Variants in FGF14 observed in about 807,000 individuals in gnomAD.
The protein encoded by FGF14 is fibroblast growth factor homologous factor 4.
Under a neutral mutation model 25.5 loss-of-function variants are expected in FGF14, and 5 were observed. The ratio of observed to expected loss-of-function variants is 0.20; its 90% CI spans 0.10 to 0.41. FGF14 has a LOEUF of 0.41. Ranked by LOEUF, FGF14 falls within the 10% of genes least tolerant of loss-of-function variation. The pLI is 1.00. For synonymous variants in FGF14, 138 were observed against 118.3 expected (o/e 1.17, Z -1.08); for missense variants, 222 against 320.1 (o/e 0.69, Z 2.34).
intron 1 of FGF14, among the ~76,000 whole-genome samples, chr13:102,198,251 C>A (rs1441496400): frequency 1.3e-5 from 2 of 152,188 alleles, no homozygotes; most frequent in Non-Finnish European, 2.9e-5. Context: ...GAATAAAACA[C>A]AATCTCCTGG....
intron 4 of FGF14, 88 bp from the exon 5 acceptor site, chr13:101,723,055 A>G: frequency 6.6e-7 from 1 of 1,505,986 alleles, no homozygotes; most frequent in Non-Finnish European, 9.2e-7. Context: ...AGACCACTGC[A>G]GTTTGCCCAT....
Position 102,141,051 on chromosome 13 carries a change from T to C in FGF14, c.208+260420A>G, listed in dbSNP as rs566716972. ...TTAACTCACCACCAACATTTGACAG[T>C]AAACATGGCTACCAATAGTTTTTCA... On this transcript the variant is annotated intron_variant, in intron 1 of 4. Coordinates refer to the FGF14 transcript ENST00000376131. Among the ~76,000 whole-genome samples the C allele has an allele frequency of 2.3e-3, 352 of 152,206 alleles. 2 individuals carry two copies. Among genetic ancestry groups the C allele is most frequent in the Non-Finnish European group, 2.6e-3 (178 of 68,030 alleles).
intron 1 of FGF14, among the ~76,000 whole-genome samples, chr13:101,894,314 G>T (rs1178760282): frequency 6.6e-6 from 1 of 152,130 alleles, no homozygotes; most frequent in African/African-American, 2.4e-5. Context: ...TGTGATTATT[G>T]TCATGATACT....
intron 1 of FGF14, among the ~76,000 whole-genome samples, chr13:102,199,714 C>G (rs983756516): frequency 1.3e-5 from 2 of 152,184 alleles, no homozygotes; most frequent in African/African-American, 4.8e-5. Context: ...TCTAATCTCA[C>G]GCACTGCAAT....
chr13:102,146,807 A>G (rs1302246402), intron 1 of FGF14, among the ~76,000 whole-genome samples: 1 of 152,206 alleles, frequency 6.6e-6, no homozygotes, highest in African/African-American at 2.4e-5. Context: ...CAGCCCTGGT[A>G]ATCAGACACA....
rs1294262136 is a variant in FGF14, at chr13:102,161,641, A to G, written c.208+239830T>C. ...GAAGAAGAAGAAGAAGAAGAAGAAG[A>G]AGAAGAAGAAGAAGAAGAAGAAGAA... On this transcript the variant is annotated intron_variant, in intron 1 of 4. Coordinates refer to the FGF14 transcript ENST00000376131. 9.1e-3 allele frequency among the ~76,000 whole-genome samples: 134 copies of G among 14,662 alleles called. 7 individuals carry two copies. The highest frequency in any genetic ancestry group is 0.014 in the Non-Finnish European group (106 of 7,668). The allele number at this position is 14,662 out of a possible 152,430, so 9.6% of individuals were successfully genotyped here. A position where few individuals can be genotyped will look rare whatever the true frequency, so the allele number is the denominator to read the frequency against.
intron 3 of FGF14, among the ~76,000 whole-genome samples, chr13:101,772,926 T>C (rs2038869081): frequency 6.6e-6 from 1 of 152,146 alleles, no homozygotes; most frequent in African/African-American, 2.4e-5. Context: ...TAGTTATTTA[T>C]AATCAATTTA....
chr13:102,009,050 C>G (rs904313859), intron 1 of FGF14, among the ~76,000 whole-genome samples: 2 of 151,914 alleles, frequency 1.3e-5, no homozygotes, highest in Non-Finnish European at 2.9e-5. Flanking sequence ...ATATAAAAGC[C>G]ATACATGTCC....
At chr13:101,894,023 C>CT (rs60213924) in intron 1 of FGF14, among the ~76,000 whole-genome samples, 4,798 of 143,888 alleles carry the variant, frequency 0.033, 202 homozygotes, top group African/African-American at 0.1. Context: ...CCTTTCCTGG[C>CT]TTTTTTTTTT....
At chr13:101,726,578 G>T (rs2035451253) in intron 4 of FGF14, 34 bp downstream of exon 4, 1 of 1,577,738 alleles carries the variant, frequency 6.3e-7, no homozygotes, top group African/African-American at 1.3e-5. Context: ...TATGTAATAA[G>T]TCTATGTAAT....
chr13:102,317,878 C>T (rs1324698388), intron 1 of FGF14, among the ~76,000 whole-genome samples: 1 of 152,202 alleles, frequency 6.6e-6, no homozygotes, highest in Non-Finnish European at 1.5e-5. Context: ...TTGCTTGGTT[C>T]CTGCCAGAGC....
chr13:102,325,248 T>C (rs967385864), intron 1 of FGF14, among the ~76,000 whole-genome samples: 2 of 152,072 alleles, frequency 1.3e-5, no homozygotes, highest in African/African-American at 2.4e-5. Flanking sequence ...ATTTTTTTTT[T>C]CCAAAGAATT....
At chr13:101,880,277 CAACA>C (rs1414382256) in intron 1 of FGF14, among the ~76,000 whole-genome samples, 1 of 152,040 alleles carries the variant, frequency 6.6e-6, no homozygotes, top group Non-Finnish European at 1.5e-5. Flanking sequence ...CTGGCATTAA[CAACA>C]AACAGGCCAG....
At chr13:101,998,088 T>C (rs938001492) in intron 1 of FGF14, among the ~76,000 whole-genome samples, 2 of 152,106 alleles carry the variant, frequency 1.3e-5, no homozygotes, top group South Asian at 4.1e-4. Context: ...TTTGATTTGC[T>C]AATTGGGTTA....
At chr13:101,943,118 TAAC>T (rs572654779) in intron 1 of FGF14, among the ~76,000 whole-genome samples, 282 of 152,356 alleles carry the variant, frequency 1.9e-3, no homozygotes, top group African/African-American at 6.5e-3. Flanking sequence ...AGAATGCTAA[TAAC>T]TAGTCCATGG....
chr13:101,721,112 C>A lies in FGF14; in HGVS notation c.*1719G>T, dbSNP rs1414038981. The A allele has an allele frequency of 1.3e-5, 2 of 152,052 alleles. No individual in the cohort carries two copies. Among genetic ancestry groups the A allele is most frequent in the African/African-American group, 4.8e-5 (2 of 41,408 alleles). 9.4% of individuals were successfully genotyped at this position (152,052 alleles called of 1,614,324 possible). A position where few individuals can be genotyped will look rare whatever the true frequency, so the allele number is the denominator to read the frequency against. On this transcript the variant is annotated 3_prime_UTR_variant, in exon 5 of 5. Coordinates refer to ENST00000376143, the MANE Select transcript of FGF14 (RefSeq NM_004115.4). ...ATAACAAGAGGCCAGTACATTGATC[C>A]CACATATAATTTTCAATAAATGAGG...
chr13:102,018,931 A>C (rs912580575), intron 1 of FGF14, among the ~76,000 whole-genome samples: 1 of 152,154 alleles, frequency 6.6e-6, no homozygotes, highest in Non-Finnish European at 1.5e-5. Context: ...TGTACATTTT[A>C]CAAATACCCA....
upstream of FGF14, among the ~76,000 whole-genome samples, chr13:101,917,964 G>A (rs1758558858): frequency 1.3e-5 from 2 of 152,116 alleles, no homozygotes; most frequent in Admixed American, 1.3e-4. Flanking sequence ...ACTATTCCAG[G>A]GACAGTGAAA....
intron 1 of FGF14, among the ~76,000 whole-genome samples, chr13:102,017,544 T>C (rs76670105): frequency 0.055 from 8,375 of 152,198 alleles, 776 homozygotes; most frequent in African/African-American, 0.19. Flanking sequence ...CTTATTATTT[T>C]CTCTTTATCA....
Sources: gnomAD v4.1 joint callset for allele counts (sites outside exome capture counted in the v4.1 genomes callset) on GRCh38, gnomAD v4.1.1 for gene constraint, MANE v1.5 for transcripts, NCBI Gene and HGNC (gene_info 2026-07-23, HGNC 2026-07-21) for gene names.